Variants in ARHGEF3 observed in about 807,000 individuals in gnomAD.
ARHGEF3 encodes the protein 59.8 kDA protein.
ARHGEF3 carries 28 observed loss-of-function variants against 63.2 expected under a neutral mutation model. The observed-to-expected ratio is 0.44, with a 90% CI of 0.33 to 0.61. The LOEUF (loss-of-function observed/expected upper bound fraction) is 0.61, where lower values mean the gene tolerates loss of function less well. ARHGEF3 is among the 20% of genes least tolerant of loss of function. ARHGEF3 has a pLI of 0.03. For synonymous variants in ARHGEF3, 266 were observed against 254.2 expected (o/e 1.05, Z -0.44); for missense variants, 533 against 659.3 (o/e 0.81, Z 2.10).
At chr3:56,967,321 T>A (rs1420020022) in intron 2 of ARHGEF3, among the ~76,000 whole-genome samples, 3 of 56,232 alleles carry the variant, frequency 5.3e-5, no homozygotes, top group African/African-American at 1.2e-4. Context: ...TATTATATAT[T>A]ATATATTATA....
intron 2 of ARHGEF3, among the ~76,000 whole-genome samples, chr3:57,001,925 T>G (rs896509644): frequency 4.4e-5 from 3 of 68,482 alleles, no homozygotes; most frequent in African/African-American, 1.8e-4. Flanking sequence ...GTTTTTTTTT[T>G]TTTTGTTTTT....
chr3:56,741,185 T>C (rs187700183), intron 7 of ARHGEF3, among the ~76,000 whole-genome samples: 2 of 54,010 alleles, frequency 3.7e-5, no homozygotes, highest in African/African-American at 1.5e-4. Context: ...GCTTTGGTTC[T>C]TTTTTTTTTT....
chr3:57,047,982 G>A (rs1429760889), intron 1 of ARHGEF3, among the ~76,000 whole-genome samples: 2 of 152,100 alleles, frequency 1.3e-5, no homozygotes, highest in Non-Finnish European at 2.9e-5. Flanking sequence ...GATCTCCAGA[G>A]GCAGTAAAGC....
chr3:56,978,061 G>T (rs1701190356), intron 2 of ARHGEF3, among the ~76,000 whole-genome samples: 1 of 152,184 alleles, frequency 6.6e-6, no homozygotes, highest in Non-Finnish European at 1.5e-5. Context: ...AGCACAGGGA[G>T]ACATGCCAGC....
chr3:56,888,675 G>A (rs1372716916), intron 3 of ARHGEF3, among the ~76,000 whole-genome samples: 1 of 152,180 alleles, frequency 6.6e-6, no homozygotes, highest in African/African-American at 2.4e-5. Flanking sequence ...GGCCGAGGCA[G>A]TTGGATCACC....
Position 56,801,940 on chromosome 3 carries a change from G to A in ARHGEF3, c.-142C>T. 1 of 1,535,638 alleles carries A rather than the reference G, an allele frequency of 6.5e-7. No individual in the cohort carries two copies. The highest frequency in any genetic ancestry group is 8.7e-7 in the Non-Finnish European group (1 of 1,145,170). On this transcript the variant is annotated 5_prime_UTR_variant, in exon 1 of 10. Coordinates refer to ENST00000296315, the MANE Select transcript of ARHGEF3 (RefSeq NM_019555.3). ...CCGACAGCCGGCTTCTAGCCGGGCA[G>A]GACTCGACTGGGCTCCGGAGCCGAG...
intron 3 of ARHGEF3, among the ~76,000 whole-genome samples, chr3:56,941,774 A>C (rs1699200597): frequency 6.6e-6 from 1 of 152,160 alleles, no homozygotes; most frequent in Non-Finnish European, 1.5e-5. Context: ...ACTTCTTTCT[A>C]TGTATATATT....
At chr3:56,931,025 A>T (rs1370257426) in intron 3 of ARHGEF3, among the ~76,000 whole-genome samples, 2 of 152,174 alleles carry the variant, frequency 1.3e-5, no homozygotes, top group African/African-American at 4.8e-5. Flanking sequence ...TCAAGACTGG[A>T]AGAATAAGGC....
intron 2 of ARHGEF3, among the ~76,000 whole-genome samples, chr3:56,996,654 G>A (rs1454103845): frequency 6.6e-6 from 1 of 152,090 alleles, no homozygotes; most frequent in Non-Finnish European, 1.5e-5. Flanking sequence ...ATAAATTTCT[G>A]TTGTTTATAA....
chr3:57,000,968 C>T (rs1015498524), intron 2 of ARHGEF3, among the ~76,000 whole-genome samples: 1 of 152,100 alleles, frequency 6.6e-6, no homozygotes, highest in Non-Finnish European at 1.5e-5. Flanking sequence ...GAGACAGGGT[C>T]TTGCTTTGTT....
intron 2 of ARHGEF3, among the ~76,000 whole-genome samples, chr3:57,002,648 C>T (rs373591917): frequency 5.4e-5 from 8 of 147,872 alleles, no homozygotes; most frequent in East Asian, 3.9e-4. Flanking sequence ...CATAGGTAAA[C>T]GTGTGTGTCA....
intron 2 of ARHGEF3, among the ~76,000 whole-genome samples, chr3:57,002,479 T>TTATATATATATATATTTTATATA (rs1560122743): frequency 5.1e-5 from 2 of 39,472 alleles, no homozygotes; most frequent in South Asian, 8.0e-4. Flanking sequence ...TATATATATG[T>TTATATATATATATATTTTATATA]TATATATATA....
chr3:57,003,180 C>G (rs1052541647), intron 2 of ARHGEF3, among the ~76,000 whole-genome samples: 4 of 150,566 alleles, frequency 2.7e-5, no homozygotes, highest in African/African-American at 9.7e-5. Context: ...CAGAGGCGGG[C>G]GGATCACGAG....
chr3:56,930,299 C>T (rs1483313347), intron 3 of ARHGEF3, among the ~76,000 whole-genome samples: 1 of 152,134 alleles, frequency 6.6e-6, no homozygotes, highest in Non-Finnish European at 1.5e-5. Flanking sequence ...CTGTAAGCAA[C>T]AATAGTTGCA....
intron 2 of ARHGEF3, among the ~76,000 whole-genome samples, chr3:56,990,818 A>G (rs1291655080): frequency 6.6e-6 from 1 of 152,142 alleles, no homozygotes. Context: ...GCTTAAATTC[A>G]ACATCTCCAC....
rs113423087 is a variant in ARHGEF3 at position 56,810,497 on chromosome 3, G to A, written c.193-36681C>T. The stretch of plus-strand genomic sequence containing the variant: ...GCTTGAGACTATACCACTGCACTCC[G>A]GCCTGGGTGACAGAGAGAGACTGAG... On this transcript the variant is annotated intron_variant, in intron 4 of 12. Coordinates refer to the ARHGEF3 transcript ENST00000338458. Among the ~76,000 whole-genome samples, 534 of 152,016 alleles carry A rather than the reference G, an allele frequency of 3.5e-3. 2 individuals are homozygous for A. The highest frequency in any genetic ancestry group is 0.012 in the African/African-American group (508 of 41,454).
intron 4 of ARHGEF3, among the ~76,000 whole-genome samples, chr3:56,856,213 G>A (rs1049561187): frequency 2.6e-5 from 4 of 152,004 alleles, no homozygotes; most frequent in Admixed American, 6.6e-5. Context: ...CGTAACTCGG[G>A]GATAAAAAGG....
intron 1 of ARHGEF3, among the ~76,000 whole-genome samples, chr3:57,063,366 C>T (rs1396218688): frequency 4.6e-5 from 7 of 152,122 alleles, no homozygotes; most frequent in Admixed American, 1.3e-4. Flanking sequence ...AGTAGCCAAC[C>T]CTTCAGAAGG....
intron 1 of ARHGEF3, among the ~76,000 whole-genome samples, chr3:57,077,629 G>A (rs1263641734): frequency 6.6e-6 from 1 of 152,104 alleles, no homozygotes; most frequent in African/African-American, 2.4e-5. Context: ...TCAGGTCCCT[G>A]GACCCTTAAA....
Sources: allele counts gnomAD v4.1 joint callset (sites outside exome capture counted in the v4.1 genomes callset), GRCh38; gene constraint gnomAD v4.1.1; transcripts MANE v1.5; gene names NCBI Gene and HGNC (gene_info 2026-07-23, HGNC 2026-07-21).